Variants in HYAL3 observed in about 807,000 individuals in gnomAD.
HYAL3 encodes hyaluronidase-3.
Under a neutral mutation model 29.6 loss-of-function variants are expected in HYAL3, and 25 were observed. That is an observed-to-expected ratio of 0.85 (90% confidence interval 0.62 to 1.18). The LOEUF is 1.18. HYAL3 is among the 50% of genes most tolerant of loss of function. The pLI is 0.00. For synonymous variants in HYAL3, 215 were observed against 218.3 expected, an observed-to-expected ratio of 0.99 and a Z score of 0.13; for missense variants, 442 against 548.4, an observed-to-expected ratio of 0.81 and a Z score of 1.94.
In HYAL3 at chr3:50,293,816, ATCTGAT is replaced by A. The variant is rs1701749620; in HGVS notation, c.895-101_895-96del. On this transcript the variant is annotated intron_variant, in intron 2 of 3. Coordinates refer to ENST00000336307, the MANE Select transcript of HYAL3 (RefSeq NM_003549.4). ...GAAACTCTTCTGGTTCACTGTCACAATCTGATTCTAACTCTACAGTAGGGACTCTCT... is the reference window on the plus strand; with the variant it reads ...GAAACTCTTCTGGTTCACTGTCACAATCTAACTCTACAGTAGGGACTCTCT... 5 of 1,103,900 alleles carry A rather than the reference ATCTGAT, an allele frequency of 4.5e-6. No homozygotes were observed. In the South Asian group the frequency reaches 6.4e-5, roughly 14 times the overall value. 68.4% of individuals were successfully genotyped at this position (1,103,900 alleles called of 1,614,324 possible).
rs1293281372 is a variant in HYAL3 at position 50,297,705 on chromosome 3, G to C, written c.-18+1508C>G. The C allele has an allele frequency of 3.7e-6, 5 of 1,366,712 alleles. No homozygotes were observed. The African/African-American group carries it at 7.4e-5, about 20-fold the overall frequency. The allele number at this position is 1,366,712 out of a possible 1,614,324, so 84.7% of individuals were successfully genotyped here. A position where few individuals can be genotyped will look rare whatever the true frequency, so the allele number is the denominator to read the frequency against. On this transcript the variant is annotated intron_variant, in intron 1 of 3. Transcript: ENST00000336307. The surrounding 1 kb of genome is among the most constrained non-coding windows in gnomAD (Gnocchi z 4.3). ...TAACAGCCATGCTGGGCTGTGCCAGGAGGGAGGGTGGGGTTGGAGCAGGGA... is the reference window on the plus strand; with the variant it reads ...TAACAGCCATGCTGGGCTGTGCCAGCAGGGAGGGTGGGGTTGGAGCAGGGA...
intron 1 of HYAL3, chr3:50,296,817 G>T (rs1553711264): frequency 1.3e-6 from 2 of 1,579,990 alleles, no homozygotes; most frequent in Non-Finnish European, 1.7e-6. Flanking sequence ...CCGGGGAGAG[G>T]GGGCTGTGGG....
intron 1 of HYAL3, 158 bp downstream of exon 1, chr3:50,299,055 A>C: frequency 6.3e-7 from 1 of 1,583,616 alleles, no homozygotes; most frequent in African/African-American, 1.3e-5. Flanking sequence ...TTTGGGAATG[A>C]GGACTTCGAG....
intron 1 of HYAL3, chr3:50,296,331 CA>C (rs2109288505): frequency 2.0e-6 from 1 of 490,886 alleles, no homozygotes; most frequent in African/African-American, 2.0e-5. Context: ...GAGACTTCTG[CA>C]GGGATAAGGG....
chr3:50,296,904 C>T, intron 1 of HYAL3: 1 of 1,608,884 alleles, frequency 6.2e-7, no homozygotes, highest in Non-Finnish European at 8.5e-7. Flanking sequence ...CAGCTGGTAG[C>T]CCAGGTGGGT....
Position 50,295,134 on chromosome 3 carries a change from A to G in HYAL3, c.469T>C (p.Phe157Leu), listed in dbSNP as rs915414128. 9.9e-6 allele frequency: 16 copies of G among 1,613,438 alleles called. No individual in the cohort carries two copies. The highest frequency in any genetic ancestry group is 1.2e-5 in the Non-Finnish European group (14 of 1,180,028). ...AASWAWAQQV[F>L]PDLDPQEQLY... is the part of the protein sequence containing the mutation. ...TGCTCCTGAGGGTCCAGGTCAGGGA[A>G]TACCTGCTGTGCCCAAGCCCAAGAG... is the stretch of plus-strand genomic sequence containing the variant. Residue 157 changes from phenylalanine to leucine, a missense_variant, in exon 2 of 4, where the codon TTC becomes CTC. Phe to Leu is a conservative substitution (Grantham distance 22). Coordinates refer to ENST00000336307, the MANE Select transcript of HYAL3 (RefSeq NM_003549.4).
intron 1 of HYAL3, chr3:50,296,680 G>A (rs587703549): frequency 1.2e-6 from 2 of 1,613,930 alleles, no homozygotes; most frequent in African/African-American, 1.3e-5. Flanking sequence ...CTTTTTGAAG[G>A]GGGCCCTGAT....
At position 50,297,731 on chromosome 3, in the gene HYAL3, A is replaced by G; in HGVS notation, c.-18+1482T>C. The G allele has an allele frequency of 7.4e-7, 1 of 1,355,426 alleles. No individual in the cohort carries two copies. Among genetic ancestry groups the G allele is most frequent in the African/African-American group, 1.5e-5 (1 of 67,526 alleles). 84.0% of individuals were successfully genotyped at this position (1,355,426 alleles called of 1,614,324 possible). A position where few individuals can be genotyped will look rare whatever the true frequency, so the allele number is the denominator to read the frequency against. On this transcript the variant is annotated intron_variant, in intron 1 of 3. Transcript: ENST00000336307. This position sits in a 1 kb window ranked among gnomAD's most constrained non-coding sequence, Gnocchi z 4.3. ...AGGGAGGGTGGGGTTGGAGCAGGGA[A>G]GGGCTGACAGAGTGCAGGGGGGACC...
Position 50,297,438 on chromosome 3 carries a change from G to T in HYAL3, c.-18+1775C>A, listed in dbSNP as rs375660347. The T allele has an allele frequency of 6.2e-7, 1 of 1,610,838 alleles. No individual in the cohort carries two copies. On this transcript the variant is annotated intron_variant, in intron 1 of 3. Coordinates refer to ENST00000336307, the MANE Select transcript of HYAL3 (RefSeq NM_003549.4). The surrounding 1 kb of genome is among the most constrained non-coding windows in gnomAD (Gnocchi z 4.3). ...CGCAGGATCCAGAGTCAGCTCAGCTGGGCTGGTACTCAGGATCAGCTCCAT... is the reference window on the plus strand; with the variant it reads ...CGCAGGATCCAGAGTCAGCTCAGCTTGGCTGGTACTCAGGATCAGCTCCAT...
chr3:50,299,366 G>A lies in HYAL3; in HGVS notation c.-171C>T. Reference sequence around the variant, plus strand: ...CCGTCGCGTCCTGCGGCACGCCACGGCGTTCTAAGGCCTCCCAGCACCCGC... The same window carrying A: ...CCGTCGCGTCCTGCGGCACGCCACGACGTTCTAAGGCCTCCCAGCACCCGC... On this transcript the variant is annotated 5_prime_UTR_variant, in exon 1 of 4. Coordinates refer to ENST00000336307, the MANE Select transcript of HYAL3 (RefSeq NM_003549.4). 6.6e-7 allele frequency: 1 copy of A among 1,514,512 alleles called. No individual in the cohort carries two copies. Among genetic ancestry groups the A allele is most frequent in the Non-Finnish European group, 8.9e-7 (1 of 1,123,762 alleles). 93.8% of individuals were successfully genotyped at this position (1,514,512 alleles called of 1,614,324 possible).
intron 1 of HYAL3, chr3:50,296,933 A>G (rs782779737): frequency 9.9e-6 from 16 of 1,608,918 alleles, no homozygotes; most frequent in Non-Finnish European, 1.4e-5. Context: ...GCACCTGGTC[A>G]TGGGTGGTGA....
At chr3:50,296,806 G>T in intron 1 of HYAL3, 1 of 1,580,164 alleles carries the variant, frequency 6.3e-7, no homozygotes, top group Non-Finnish European at 8.6e-7. Flanking sequence ...TTCCTGGGTG[G>T]CCGGGGAGAG....
chr3:50,295,031 A>G lies in HYAL3; in HGVS notation c.572T>C (p.Leu191Pro). 6.2e-7 allele frequency: 1 copy of G among 1,613,442 alleles called. No individual in the cohort carries two copies. The stretch of plus-strand genomic sequence containing the variant: ...GAAGCCCCAGAGTCCATGGGGCCGT[A>G]GTGCCTGGGCCACCCGCAGCGTATC... The part of the protein sequence containing the change: ...MEDTLRVAQA[L>P]RPHGLWGFYH... Residue 191 changes from leucine (L) to proline (P), a missense_variant, in exon 2 of 4, where the codon CTA becomes CCA. Physicochemically the swap from Leu to Pro is moderately conservative, Grantham distance 98 (BLOSUM62 -3). Coordinates refer to ENST00000336307, the MANE Select transcript of HYAL3 (RefSeq NM_003549.4).
Position 50,295,159 on chromosome 3 carries a change from G to A in HYAL3, c.444C>T (p.Ala148=), listed in dbSNP as rs782028192. The change falls in exon 2 of 4, where the codon GCC becomes GCT. Residue 148 remains alanine (A), a synonymous_variant. Transcript: ENST00000336307. ...ATACCTGCTGTGCCCAAGCCCAAGA[G>A]GCTGCCTGATAAGCTCGGCGGCGGC... ...NWGRRRAYQA[A]SWAWAQQVFP... 14 of 1,613,448 alleles carry A rather than the reference G, an allele frequency of 8.7e-6. No individual in the cohort carries two copies. The highest frequency in any genetic ancestry group is 1.0e-5 in the Non-Finnish European group (12 of 1,180,038).
chr3:50,295,693 G>A (rs1359394956), intron 1 of HYAL3, 74 bp from the exon 2 acceptor site: 1 of 1,312,734 alleles, frequency 7.6e-7, no homozygotes, highest in Admixed American at 2.9e-5. Context: ...GGGAAAGCCA[G>A]GAAAGCTCCC....
Position 50,297,367 on chromosome 3 carries a change from T to C in HYAL3, c.-17-1748A>G, listed in dbSNP as rs1310433673. 6.2e-7 allele frequency: 1 copy of C among 1,613,096 alleles called. No individual in the cohort carries two copies. Among genetic ancestry groups the C allele is most frequent in the Admixed American group, 1.7e-5 (1 of 59,886 alleles). On this transcript the variant is annotated intron_variant, in intron 1 of 3. Coordinates refer to ENST00000336307, the MANE Select transcript of HYAL3 (RefSeq NM_003549.4). This position sits in a 1 kb window ranked among gnomAD's most constrained non-coding sequence, Gnocchi z 4.3. The stretch of plus-strand genomic sequence containing the variant: ...AGCTCAGTTGGACCAGGATTGAAGG[T>C]CATCTCTGGTTGGCATGTGGAATCC...
intron 1 of HYAL3, chr3:50,296,736 G>A: frequency 6.2e-7 from 1 of 1,611,202 alleles, no homozygotes; most frequent in South Asian, 1.1e-5. Flanking sequence ...GGGAGGGGGT[G>A]GTGGCAATGG....
In HYAL3 at chr3:50,294,947, C is replaced by T. The variant is rs142315421; in HGVS notation, c.656G>A (p.Arg219His). 141 of 1,606,190 alleles carry T rather than the reference C, an allele frequency of 8.8e-5. No individual in the cohort carries two copies. Among genetic ancestry groups the T allele is most frequent in the Middle Eastern group, 8.3e-4 (5 of 6,034 alleles). The change falls in exon 2 of 4, where the codon CGC (arginine) becomes CAC (histidine). Residue 219 changes from arginine to histidine, a missense_variant. Physicochemically the swap from Arg to His is conservative, Grantham distance 29 (BLOSUM62 0). Coordinates refer to ENST00000336307, the MANE Select transcript of HYAL3 (RefSeq NM_003549.4). ...GCGGGCAAGGGTGGCTGCATGGCAG[C>T]GGCCGGTATAGTTGGAAGCCATACT... ...WHSMASNYTGRCHAATLARNT... is the reference protein window; with the variant it reads ...WHSMASNYTGHCHAATLARNT...
chr3:50,299,136 A>G, intron 1 of HYAL3, 77 bp downstream of exon 1: 2 of 1,613,346 alleles, frequency 1.2e-6, no homozygotes, highest in Non-Finnish European at 8.5e-7. Context: ...GAGGGCGTGC[A>G]GGGTGGCATG....
Sources: allele counts gnomAD v4.1 joint callset, GRCh38; gene constraint gnomAD v4.1.1; non-coding constraint Gnocchi (gnomAD v3.1); transcripts MANE v1.5; gene names NCBI Gene and HGNC (gene_info 2026-07-23, HGNC 2026-07-21).